Variants in TAF6L observed in about 807,000 individuals in gnomAD.
The protein encoded by TAF6L is TATA-box binding protein associated factor 6 like, also known as TAF6-like RNA polymerase II p300/CBP-associated factor-associated factor 65 kDa subunit 6L.
Under a neutral mutation model 57.3 loss-of-function variants are expected in TAF6L, and 34 were observed. That is an observed-to-expected ratio of 0.59 (90% CI 0.45 to 0.79). The LOEUF (loss-of-function observed/expected upper bound fraction) is 0.79. TAF6L is among the 30% of genes least tolerant of loss of function. The pLI is 0.00. For missense variants in TAF6L, 782 were observed against 853.2 expected (o/e 0.92, Z 1.04); for synonymous variants, 417 against 376.3 (o/e 1.11, Z -1.25).
chr11:62,777,634 T>C (rs1016168767), intron 3 of TAF6L, among the ~76,000 whole-genome samples: 2 of 152,208 alleles, frequency 1.3e-5, no homozygotes, highest in Non-Finnish European at 2.9e-5. Flanking sequence ...GTGGTTTTTC[T>C]GGAGCGGTGA....
chr11:62,785,617 C>T (rs1434328170), intron 9 of TAF6L, among the ~76,000 whole-genome samples: 1 of 150,540 alleles, frequency 6.6e-6, no homozygotes, highest in African/African-American at 2.5e-5. Flanking sequence ...TCACTGCAAC[C>T]TCTGCCCCCC....
chr11:62,777,951 C>G (rs201832750), intron 3 of TAF6L, 27 bp from the exon 4 acceptor site: 73 of 1,611,768 alleles, frequency 4.5e-5, no homozygotes, highest in Non-Finnish European at 5.5e-5. Flanking sequence ...TGGATTCAGG[C>G]TGCTCTCCAA....
chr11:62,786,500 G>C lies in TAF6L; in HGVS notation c.1090-17G>C, dbSNP rs890636739. The C allele has an allele frequency of 6.4e-7, 1 of 1,568,680 alleles. No homozygotes were observed. Among genetic ancestry groups the C allele is most frequent in the African/African-American group, 1.4e-5 (1 of 74,008 alleles). ...TTCCTCGAATTTTTTGCCTATCTTA[G>C]TCCTTGGCTCTTACAGGTGGCGGTA... On this transcript the variant is annotated splice_polypyrimidine_tract_variant and intron_variant, in intron 10 of 10. Coordinates refer to ENST00000294168, the MANE Select transcript of TAF6L (RefSeq NM_006473.4).
intron 1 of TAF6L, chr11:62,772,200 G>T: frequency 4.4e-6 from 2 of 454,740 alleles, no homozygotes; most frequent in South Asian, 3.1e-5. Flanking sequence ...TCCATATAAA[G>T]CACTTAGCTG....
At chr11:62,777,356 G>A (rs192874509) in intron 3 of TAF6L, among the ~76,000 whole-genome samples, 13 of 152,112 alleles carry the variant, frequency 8.5e-5, no homozygotes, top group Admixed American at 7.2e-4. Context: ...AAGACTAAAC[G>A]CACACATAAG....
chr11:62,771,897 T>A (rs2084150632), intron 1 of TAF6L: 2 of 315,428 alleles, frequency 6.3e-6, no homozygotes. Context: ...AACTGCAGCT[T>A]CACAACGATC....
rs1167697492 is a variant in TAF6L at position 62,780,958 on chromosome 11, G to A, written c.532-936G>A. Among the ~76,000 whole-genome samples, 8 of 142,714 alleles carry A rather than the reference G, an allele frequency of 5.6e-5. No homozygotes were observed. In the South Asian group the frequency reaches 6.6e-4, roughly 12 times the overall value. 93.6% of individuals were successfully genotyped at this position (142,714 alleles called of 152,430 possible). ...TCTCAAAAAAAAAAAAAAAAGGGCC[G>A]GGCACGGTGGCTAACGCCTGTAATC... is the stretch of plus-strand genomic sequence containing the variant. On this transcript the variant is annotated intron_variant, in intron 6 of 10. Coordinates refer to ENST00000294168, the MANE Select transcript of TAF6L (RefSeq NM_006473.4).
intron 3 of TAF6L, among the ~76,000 whole-genome samples, chr11:62,777,283 C>T (rs1380663555): frequency 6.6e-6 from 1 of 151,988 alleles, no homozygotes; most frequent in Admixed American, 6.6e-5. Context: ...GCCGAGATCA[C>T]GCCACTGCAT....
chr11:62,774,060 T>C (rs2084168303), intron 1 of TAF6L, among the ~76,000 whole-genome samples: 1 of 152,042 alleles, frequency 6.6e-6, no homozygotes, highest in East Asian at 1.9e-4. Context: ...TCCAGAGCCA[T>C]TGTTCAGATT....
intron 3 of TAF6L, 58 bp downstream of exon 3, chr11:62,776,528 G>C: frequency 6.4e-7 from 1 of 1,551,744 alleles, no homozygotes. Flanking sequence ...TCCATGTCCA[G>C]TTCAGGGCTG....
chr11:62,786,630 C>G lies in TAF6L; in HGVS notation c.1203C>G (p.Leu401=). 1 of 1,602,140 alleles carries G rather than the reference C, an allele frequency of 6.2e-7. No homozygotes were observed. Reference sequence around the variant, plus strand: ...ACGACCTGCCATGGGACAGCCTTCTCTTTCAAGAGTCGTCCTCCGGGGGCG... The same window carrying G: ...ACGACCTGCCATGGGACAGCCTTCTGTTTCAAGAGTCGTCCTCCGGGGGCG... The part of the protein sequence containing the change: ...RLDDLPWDSL[L]FQESSSGGGA... The change falls in exon 11 of 11, where the codon CTC becomes CTG. Residue 401 remains leucine, a synonymous_variant. Transcript: ENST00000294168.
rs756414283 is a variant in TAF6L at position 62,787,331 on chromosome 11, C to T, written c.*35C>T. The stretch of plus-strand genomic sequence containing the variant: ...CCCTTCGTTCCTTGTAAATAAATCC[C>T]GCCCCCGGAAATGACGTCTCCACCT... On this transcript the variant is annotated 3_prime_UTR_variant, in exon 11 of 11. Coordinates refer to ENST00000294168, the MANE Select transcript of TAF6L (RefSeq NM_006473.4). 3 of 1,523,336 alleles carry T rather than the reference C, an allele frequency of 2.0e-6. No individual in the cohort carries two copies. The highest frequency in any genetic ancestry group is 2.0e-5 in the Admixed American group (1 of 48,854). The allele number at this position is 1,523,336 out of a possible 1,614,324, so 94.4% of individuals were successfully genotyped here.
At chr11:62,784,288 CA>C (rs2084253558) in intron 9 of TAF6L, among the ~76,000 whole-genome samples, 2 of 137,142 alleles carry the variant, frequency 1.5e-5, no homozygotes, top group South Asian at 2.4e-4. Context: ...GGTGCCTGGC[CA>C]TATATATATA....
rs940505482 is a variant in TAF6L, at chr11:62,782,133, C to T, written c.627C>T (p.Asp209=). The part of the protein sequence containing the change: ...VVSGVKSVSH[D]LEQLHRLLQV... ...AACAGGTGAAATCTGTAAGCCATGA[C>T]CTGGAGCAACTGCACCGGCTGCTGC... Residue 209 remains aspartate, a synonymous_variant, in exon 8 of 11, where the codon GAC becomes GAT. Coordinates refer to ENST00000294168, the MANE Select transcript of TAF6L (RefSeq NM_006473.4). 3.7e-6 allele frequency: 6 copies of T among 1,610,682 alleles called. No individual in the cohort carries two copies. Among genetic ancestry groups the T allele is most frequent in the Non-Finnish European group, 5.1e-6 (6 of 1,177,974 alleles).
chr11:62,782,703 G>A lies in TAF6L; in HGVS notation c.838G>A (p.Asp280Asn). ...ATGGTGCTCCCACAGGACTCATGGGGACCTTGTAAGTGGCCTCTATCAGCA... is the reference window on the plus strand; with the variant it reads ...ATGGTGCTCCCACAGGACTCATGGGAACCTTGTAAGTGGCCTCTATCAGCA... ...LLSHIFWTHG[D>N]LVSGLYQHIL... The change falls in exon 9 of 11, where the codon GAC becomes AAC. Residue 280 changes from aspartate to asparagine, a missense_variant. Physicochemically the swap from Asp to Asn is conservative, Grantham distance 23. This residue lies in a region of TAF6L where 79 missense variants were observed against 156.0 expected (regional missense o/e 0.51). Coordinates refer to ENST00000294168, the MANE Select transcript of TAF6L (RefSeq NM_006473.4). The A allele has an allele frequency of 6.2e-7, 1 of 1,612,212 alleles. No homozygotes were observed. Among genetic ancestry groups the A allele is most frequent in the Non-Finnish European group, 8.5e-7 (1 of 1,180,002 alleles).
rs780198593 is a variant in TAF6L at position 62,786,607 on chromosome 11, G to A, written c.1180G>A (p.Asp394Asn). Residue 394 changes from aspartate (D) to asparagine (N), a missense_variant, in exon 11 of 11, where the codon GAC (aspartate) becomes AAC (asparagine). Around this residue, in one of 3 missense-constraint regions of TAF6L, gnomAD observed 483 missense variants for 445.1 expected, o/e 1.09. Transcript: ENST00000294168. ...TGGCAGGGGGTGCCGGCGCCTGGACGACCTGCCATGGGACAGCCTTCTCTT... is the reference window on the plus strand; with the variant it reads ...TGGCAGGGGGTGCCGGCGCCTGGACAACCTGCCATGGGACAGCCTTCTCTT... ...PGGRGCRRLD[D>N]LPWDSLLFQE... The A allele has an allele frequency of 1.9e-6, 3 of 1,587,566 alleles. No homozygotes were observed. Among genetic ancestry groups the A allele is most frequent in the African/African-American group, 1.4e-5 (1 of 74,000 alleles).
At chr11:62,772,243 C>T (rs1409068283) in intron 1 of TAF6L, 6 of 414,724 alleles carry the variant, frequency 1.4e-5, no homozygotes, top group Admixed American at 7.9e-5. Context: ...TATTCGTGGC[C>T]GGGCGCGGTG....
Position 62,786,661 on chromosome 11 carries a change from G to T in TAF6L, c.1234G>T (p.Glu412Ter). The change falls in exon 11 of 11, where the codon GAA becomes TAA. Residue 412 changes from glutamate (E) to a stop codon, truncating the protein, a stop_gained. Coordinates refer to ENST00000294168, the MANE Select transcript of TAF6L (RefSeq NM_006473.4). LOFTEE classifies it high-confidence loss of function. ...AGAGTCGTCCTCCGGGGGCGGTGCA[G>T]AACCCAGCTTTGGGTCCGGCCTCCC... ...FQESSSGGGA[E>*]PSFGSGLPLP... The T allele has an allele frequency of 6.2e-7, 1 of 1,611,382 alleles. No homozygotes were observed. Among genetic ancestry groups the T allele is most frequent in the South Asian group, 1.1e-5 (1 of 90,854 alleles).
chr11:62,772,002 G>C, intron 1 of TAF6L: 1 of 419,658 alleles, frequency 2.4e-6, no homozygotes. Flanking sequence ...GGCGGCTCCT[G>C]AATGCGGTAT....
Sources: gnomAD v4.1 joint callset for allele counts (sites outside exome capture counted in the v4.1 genomes callset) on GRCh38, gnomAD v4.1.1 for gene constraint, gnomAD v4.1.1 regional missense constraint, MANE v1.5 for transcripts, NCBI Gene and HGNC (gene_info 2026-07-23, HGNC 2026-07-21) for gene names.